PKD1L3: variants seen among roughly 807,000 people sequenced by gnomAD.
The protein encoded by PKD1L3 is polycystin-1-like protein 3.
A neutral mutation model predicts 184.1 loss-of-function variants in PKD1L3; 239 were observed. That is an observed-to-expected ratio of 1.30 (90% CI 1.17 to 1.45). The LOEUF (loss-of-function observed/expected upper bound fraction) is 1.45, where lower values mean the gene tolerates loss of function less well. Ranked by LOEUF, PKD1L3 falls within the 40% of genes most tolerant of loss-of-function variation. PKD1L3 has a pLI of 0.00. For synonymous variants in PKD1L3, 996 were observed against 778.8 expected, an observed-to-expected ratio of 1.28 and a Z score of -4.64; for missense variants, 2,660 against 2,067.2, an observed-to-expected ratio of 1.29 and a Z score of -5.56.
chr16:71,969,233 G>C (rs1334120100), intron 13 of PKD1L3, among the ~76,000 whole-genome samples: 1 of 152,060 alleles, frequency 6.6e-6, no homozygotes, highest in Non-Finnish European at 1.5e-5. Flanking sequence ...ACCCAGCCAA[G>C]TTACATGTAA....
Position 71,942,956 on chromosome 16 carries a change from G to C in PKD1L3, c.3928C>G (p.Leu1310Val). The change falls in exon 24 of 30, where the codon CTC (leucine) becomes GTC (valine). Residue 1310 changes from leucine to valine, a missense_variant. Physicochemically the swap from Leu to Val is conservative, Grantham distance 32 (BLOSUM62 1). Transcript: ENST00000620267. ...YSAKNSNRFY[L>V]HQAIWKTFSH... Reference sequence around the variant, plus strand: ...AATGTCTTCCAGATAGCTTGGTGGAGGTAAAATCTATTGGAGTTCTTTGCA... The same window carrying C: ...AATGTCTTCCAGATAGCTTGGTGGACGTAAAATCTATTGGAGTTCTTTGCA... The C allele has an allele frequency of 1.3e-6, 2 of 1,551,502 alleles. No homozygotes were observed. The highest frequency in any genetic ancestry group is 1.7e-6 in the Non-Finnish European group (2 of 1,146,894).
chr16:71,931,186 G>T (rs2037948468), intron 28 of PKD1L3: 1 of 152,024 alleles, frequency 6.6e-6, no homozygotes, highest in Admixed American at 6.5e-5. Flanking sequence ...CCCAAAAGGA[G>T]GTGTCAGCAA....
At chr16:71,974,686 C>T (rs2039852779) in intron 11 of PKD1L3, among the ~76,000 whole-genome samples, 1 of 152,114 alleles carries the variant, frequency 6.6e-6, no homozygotes, top group East Asian at 1.9e-4. Flanking sequence ...TGTCTCAAAA[C>T]AGAAACAGAA....
At chr16:71,932,142 TACA>T (rs1226890419) in intron 28 of PKD1L3, among the ~76,000 whole-genome samples, 1 of 152,256 alleles carries the variant, frequency 6.6e-6, no homozygotes, top group East Asian at 1.9e-4. Flanking sequence ...ACCCTGCAGA[TACA>T]ACATTAGAAA....
intron 1 of PKD1L3, among the ~76,000 whole-genome samples, chr16:71,999,073 C>T (rs2040883504): frequency 6.6e-6 from 1 of 151,954 alleles, no homozygotes; most frequent in South Asian, 2.1e-4. Context: ...AGATCAAGAC[C>T]ATCCTGGCTA....
chr16:71,931,938 T>G (rs2037988795), intron 28 of PKD1L3, among the ~76,000 whole-genome samples: 1 of 152,168 alleles, frequency 6.6e-6, no homozygotes, highest in Non-Finnish European at 1.5e-5. Context: ...CAGAGGGCAG[T>G]GGGATGATCA....
At position 71,980,135 on chromosome 16, in the gene PKD1L3, C is replaced by G. The variant is rs1390034728; in HGVS notation, c.1144-1G>C. The stretch of plus-strand genomic sequence containing the variant: ...AGGACATTTCCAGGATGTCTTCTAC[C>G]TGCATGGAAAGGAAAACAGTGTGTG... On this transcript the variant is annotated splice_acceptor_variant, in intron 7 of 29. Transcript: ENST00000620267. LOFTEE classifies it high-confidence loss of function. 1.3e-6 allele frequency: 2 copies of G among 1,551,458 alleles called. No homozygotes were observed. The highest frequency in any genetic ancestry group is 1.7e-6 in the Non-Finnish European group (2 of 1,146,812).
chr16:71,986,022 G>T (rs2040347328), intron 5 of PKD1L3, among the ~76,000 whole-genome samples, 199 bp downstream of exon 5: 1 of 152,216 alleles, frequency 6.6e-6, no homozygotes, highest in Non-Finnish European at 1.5e-5. Context: ...ATTAAATAGT[G>T]TCATTAATGA....
intron 12 of PKD1L3, 26 bp downstream of exon 12, chr16:71,973,298 G>A: frequency 6.5e-7 from 1 of 1,547,844 alleles, no homozygotes; most frequent in South Asian, 1.2e-5. Context: ...CAGAAGAGAG[G>A]CCCAAGAAGC....
intron 16 of PKD1L3, among the ~76,000 whole-genome samples, chr16:71,954,919 C>T (rs2038987430): frequency 6.6e-6 from 1 of 151,992 alleles, no homozygotes; most frequent in African/African-American, 2.4e-5. Context: ...TCACTGGGTG[C>T]AGAAAAGGGA....
chr16:71,978,202 G>T, intron 10 of PKD1L3, 53 bp downstream of exon 10: 2 of 1,509,174 alleles, frequency 1.3e-6, no homozygotes, highest in South Asian at 2.4e-5. Context: ...CTTCCATCCT[G>T]TTGCAGAATA....
intron 7 of PKD1L3, among the ~76,000 whole-genome samples, chr16:71,980,759 C>T (rs189202548): frequency 1.2e-4 from 18 of 152,136 alleles, no homozygotes; most frequent in South Asian, 2.1e-4. Flanking sequence ...TGCTTAAACC[C>T]GGGAGGTGGA....
chr16:71,943,470 A>C (rs1389987318), intron 23 of PKD1L3, among the ~76,000 whole-genome samples: 1 of 147,526 alleles, frequency 6.8e-6, no homozygotes, highest in Non-Finnish European at 1.5e-5. Flanking sequence ...CCCAGGAGGC[A>C]CAGGATGCAG....
intron 22 of PKD1L3, among the ~76,000 whole-genome samples, chr16:71,945,400 T>A (rs62053800): frequency 0.063 from 863 of 13,614 alleles, 8 homozygotes; most frequent in South Asian, 0.24. Flanking sequence ...ATATATATAT[T>A]TATTTATTTA....
chr16:71,994,479 A>AC lies in PKD1L3; in HGVS notation c.419-1148dup, dbSNP rs2040709155. Among the ~76,000 whole-genome samples, 4 of 152,024 alleles carry AC rather than the reference A, an allele frequency of 2.6e-5. 1 individual carries two copies. Among genetic ancestry groups the AC allele is most frequent in the Admixed American group, 2.6e-4 (4 of 15,254 alleles). On this transcript the variant is annotated intron_variant, in intron 2 of 29. Coordinates refer to ENST00000620267, the MANE Select transcript of PKD1L3 (RefSeq NM_181536.2). ...TGCTGCTACAAATCTTCCTACTCCT[A>AC]CCCAAAGTGAATCCCTCTAGTTGTT... is the stretch of plus-strand genomic sequence containing the variant.
In PKD1L3 at chr16:71,992,726, T is replaced by C. The variant is rs141044923; in HGVS notation, c.535+490A>G. ...GGTTTGTTGATCAGGACATCTAACA[T>C]TTGCAGCTGTGAGGTCATACCCCGA... On this transcript the variant is annotated intron_variant, in intron 3 of 29. Coordinates refer to ENST00000620267, the MANE Select transcript of PKD1L3 (RefSeq NM_181536.2). Among the ~76,000 whole-genome samples, 435 of 152,310 alleles carry C rather than the reference T, an allele frequency of 2.9e-3. 3 individuals are homozygous for C. The highest frequency in any genetic ancestry group is 1.0e-2 in the African/African-American group (415 of 41,556).
chr16:71,960,510 T>A (rs575282856), intron 16 of PKD1L3, among the ~76,000 whole-genome samples: 39 of 151,706 alleles, frequency 2.6e-4, no homozygotes, highest in Non-Finnish European at 4.3e-4. Flanking sequence ...AGATACAAAG[T>A]GTCAACAGGA....
rs1317190661 is a variant in PKD1L3 at position 71,963,310 on chromosome 16, C to G, written c.2507G>C (p.Arg836Thr). 1.9e-6 allele frequency: 3 copies of G among 1,551,388 alleles called. No homozygotes were observed. In the Admixed American group the frequency reaches 5.9e-5, roughly 30 times the overall value. Residue 836 changes from arginine to threonine, a missense_variant, in exon 16 of 30, where the codon AGG (arginine) becomes ACG (threonine). Physicochemically the swap from Arg to Thr is moderately conservative, Grantham distance 71. Transcript: ENST00000620267. ...GCAATTGCACAGGAAATGCCACTTC[C>G]TCTTAACTGCCATGTCACAGACAAT... ...QVIVCDMAVK[R>T]KWHFLCNCWL...
chr16:71,974,285 T>C (rs967659285), intron 11 of PKD1L3, among the ~76,000 whole-genome samples: 4 of 152,158 alleles, frequency 2.6e-5, no homozygotes, highest in African/African-American at 7.2e-5. Flanking sequence ...TCTCTGGGCC[T>C]CAGCTTTCTC....
Sources: allele counts gnomAD v4.1 joint callset (sites outside exome capture counted in the v4.1 genomes callset), GRCh38; gene constraint gnomAD v4.1.1; transcripts MANE v1.5; gene names NCBI Gene and HGNC (gene_info 2026-07-23, HGNC 2026-07-21).